The following ZSWIM6 variants were observed in gnomAD, a reference collection of about 807,000 sequenced individuals.
ZSWIM6 encodes the protein zinc finger SWIM-type containing 6.
In ZSWIM6, 9 loss-of-function variants were observed where a neutral mutation model predicts 113.2. The ratio of observed to expected loss-of-function variants is 0.08; its 90% CI spans 0.05 to 0.14. The LOEUF is 0.14. ZSWIM6 is among the 10% of genes least tolerant of loss of function. The pLI, the probability that ZSWIM6 is intolerant of heterozygous loss-of-function variation, is 1.00. For missense variants in ZSWIM6, 1,162 were observed against 1,552.2 expected (o/e 0.75, Z 4.22); for synonymous variants, 611 against 606.5 (o/e 1.01, Z -0.11).
At chr5:61,435,667 G>A (rs1047351684) in intron 1 of ZSWIM6, among the ~76,000 whole-genome samples, 2 of 152,160 alleles carry the variant, frequency 1.3e-5, no homozygotes, top group African/African-American at 4.8e-5. Context: ...TCCAAACTGA[G>A]TTATGCATAT....
At chr5:61,391,251 C>T (rs1016640949) in intron 1 of ZSWIM6, 2 of 900,616 alleles carry the variant, frequency 2.2e-6, no homozygotes, top group African/African-American at 3.3e-5. Context: ...ACACTTGGTT[C>T]ACAGGTACCT....
At chr5:61,519,769 C>T (rs771996472) in intron 4 of ZSWIM6, among the ~76,000 whole-genome samples, 10 of 152,048 alleles carry the variant, frequency 6.6e-5, no homozygotes, top group Non-Finnish European at 1.2e-4. Flanking sequence ...AGTCCCCAAC[C>T]TTTTTGGCAC....
chr5:61,490,889 C>G lies in ZSWIM6; in HGVS notation c.1137C>G (p.Gly379=). 1 of 1,538,960 alleles carries G rather than the reference C, an allele frequency of 6.5e-7. No individual in the cohort carries two copies. Among genetic ancestry groups the G allele is most frequent in the Non-Finnish European group, 8.7e-7 (1 of 1,142,948 alleles). Residue 379 remains glycine (G), a synonymous_variant, in exon 3 of 14, where the codon GGC becomes GGG. Coordinates refer to ENST00000252744, the MANE Select transcript of ZSWIM6 (RefSeq NM_020928.2). The stretch of plus-strand genomic sequence containing the variant: ...AGGTTAAACTGTTCCTTTCCCAGGG[C>G]GGGTACCACGGATCAGGGAAGCAGC... The part of the protein sequence containing the change: ...QEQVKLFLSQ[G]GYHGSGKQLN...
intron 3 of ZSWIM6, among the ~76,000 whole-genome samples, chr5:61,493,104 A>G (rs536376620): frequency 1.1e-4 from 16 of 152,230 alleles, no homozygotes; most frequent in Admixed American, 3.9e-4. Context: ...ATGTAGCATA[A>G]GAGTAATGGA....
chr5:61,445,091 A>G (rs1056091015), intron 1 of ZSWIM6, among the ~76,000 whole-genome samples: 11 of 152,246 alleles, frequency 7.2e-5, no homozygotes, highest in Non-Finnish European at 1.3e-4. Flanking sequence ...CACTGTATTA[A>G]AATAGTTTAT....
chr5:61,451,996 C>T (rs1479165044), intron 1 of ZSWIM6, among the ~76,000 whole-genome samples: 1 of 152,064 alleles, frequency 6.6e-6, no homozygotes, highest in Admixed American at 6.6e-5. Context: ...ACACTTAGTA[C>T]CCGCTACTCA....
intron 1 of ZSWIM6, among the ~76,000 whole-genome samples, chr5:61,384,057 A>T (rs1241665083): frequency 1.3e-5 from 2 of 148,756 alleles, no homozygotes; most frequent in Non-Finnish European, 1.5e-5. Flanking sequence ...CTGGCTAACA[A>T]GGTGAAACCC....
At chr5:61,338,121 C>T (rs1744443826) in intron 1 of ZSWIM6, among the ~76,000 whole-genome samples, 1 of 150,486 alleles carries the variant, frequency 6.6e-6, no homozygotes, top group African/African-American at 2.4e-5. Context: ...CTGGTAAACA[C>T]ATTCTTACAC....
At chr5:61,496,729 G>T (rs896578950) in intron 4 of ZSWIM6, among the ~76,000 whole-genome samples, 1 of 152,068 alleles carries the variant, frequency 6.6e-6, no homozygotes, top group Non-Finnish European at 1.5e-5. Context: ...AGACAATAGT[G>T]TTCCCACTCC....
At chr5:61,511,527 G>A (rs2112245612) in intron 4 of ZSWIM6, among the ~76,000 whole-genome samples, 1 of 152,210 alleles carries the variant, frequency 6.6e-6, no homozygotes, top group East Asian at 1.9e-4. Flanking sequence ...TGGGGCCCTT[G>A]GGAGGTGATC....
chr5:61,526,842 A>G (rs889408098), intron 7 of ZSWIM6, among the ~76,000 whole-genome samples: 3 of 152,198 alleles, frequency 2.0e-5, no homozygotes, highest in Admixed American at 6.5e-5. Context: ...CTTCTGTGCA[A>G]TGAGGCTCAG....
chr5:61,366,254 T>C (rs898758902), intron 1 of ZSWIM6, among the ~76,000 whole-genome samples: 1 of 152,234 alleles, frequency 6.6e-6, no homozygotes, highest in Non-Finnish European at 1.5e-5. Flanking sequence ...TATGTTTTTA[T>C]GCATTTTTTG....
At chr5:61,378,926 T>C (rs1051232025) in intron 1 of ZSWIM6, among the ~76,000 whole-genome samples, 4 of 152,016 alleles carry the variant, frequency 2.6e-5, no homozygotes, top group Non-Finnish European at 5.9e-5. Flanking sequence ...ACTCCTGTTA[T>C]CCCAGTGCTT....
intron 1 of ZSWIM6, chr5:61,375,622 G>T (rs1745357323): frequency 1.9e-6 from 3 of 1,539,566 alleles, no homozygotes; most frequent in Non-Finnish European, 2.6e-6. Flanking sequence ...AACTGAGAAA[G>T]AAAAGGATAT....
At chr5:61,377,475 T>C (rs539325608) in intron 1 of ZSWIM6, among the ~76,000 whole-genome samples, 1 of 152,066 alleles carries the variant, frequency 6.6e-6, no homozygotes, top group African/African-American at 2.4e-5. Context: ...GCAAGCCACT[T>C]TGGGAGGCTG....
At chr5:61,512,195 C>G (rs1748808394) in intron 4 of ZSWIM6, among the ~76,000 whole-genome samples, 1 of 152,068 alleles carries the variant, frequency 6.6e-6, no homozygotes. Context: ...TCCAGAATAT[C>G]ATATCAGTTG....
chr5:61,344,644 A>T (rs931686142), intron 1 of ZSWIM6, among the ~76,000 whole-genome samples: 3 of 152,200 alleles, frequency 2.0e-5, no homozygotes, highest in African/African-American at 7.2e-5. Flanking sequence ...CATTCCCTCC[A>T]GTTGTCCCCC....
intron 2 of ZSWIM6, among the ~76,000 whole-genome samples, chr5:61,485,050 AG>A (rs1261952837): frequency 6.6e-6 from 1 of 152,120 alleles, no homozygotes; most frequent in East Asian, 1.9e-4. Context: ...TTCTTTTTCC[AG>A]GGGGGAAAAT....
chr5:61,481,371 G>A (rs753473094), intron 2 of ZSWIM6, among the ~76,000 whole-genome samples: 2 of 151,972 alleles, frequency 1.3e-5, no homozygotes, highest in African/African-American at 2.4e-5. Flanking sequence ...TCGGTATGGC[G>A]TATATATGCT....
Sources: gnomAD v4.1 joint callset for allele counts (sites outside exome capture counted in the v4.1 genomes callset) on GRCh38, gnomAD v4.1.1 for gene constraint, MANE v1.5 for transcripts, NCBI Gene and HGNC (gene_info 2026-07-23, HGNC 2026-07-21) for gene names.